HORMAD1: variants seen among roughly 807,000 people sequenced by gnomAD.
HORMAD1 encodes HORMA domain containing 1.
HORMAD1 carries 33 observed loss-of-function variants against 58.2 expected under a neutral mutation model. The ratio of observed to expected loss-of-function variants is 0.57; its 90% CI spans 0.43 to 0.76. The LOEUF (loss-of-function observed/expected upper bound fraction) is 0.76. Among genes scored for constraint, HORMAD1 ranks in the 30% least tolerant of loss-of-function variants. The pLI is 0.00. For synonymous variants in HORMAD1, 137 were observed against 144.6 expected, an observed-to-expected ratio of 0.95 and a Z score of 0.38; for missense variants, 363 against 462.0, an observed-to-expected ratio of 0.79 and a Z score of 1.96.
At position 150,698,454 on chromosome 1, in the gene HORMAD1, C is replaced by T; in HGVS notation, c.*200G>A. On this transcript the variant is annotated 3_prime_UTR_variant, in exon 15 of 15. Transcript: ENST00000361824. ...TACCGAATCAATTATGACATTTGTA[C>T]TTTTGCTTTTATTCAAAAGTTCTAT... is the stretch of plus-strand genomic sequence containing the variant. The T allele has an allele frequency of 2.7e-6, 1 of 371,262 alleles. No homozygotes were observed. The highest frequency in any genetic ancestry group is 4.9e-6 in the Non-Finnish European group (1 of 205,766). The allele number at this position is 371,262 out of a possible 1,614,324, so 23.0% of individuals were successfully genotyped here. A position where few individuals can be genotyped will look rare whatever the true frequency, so the allele number is the denominator to read the frequency against.
At chr1:150,720,144 G>A (rs1292574786) in intron 1 of HORMAD1, among the ~76,000 whole-genome samples, 1 of 151,494 alleles carries the variant, frequency 6.6e-6, no homozygotes, top group Admixed American at 6.6e-5. Context: ...GCGCGATCTC[G>A]GCTCACCGCA....
chr1:150,710,506 G>A (rs1651841548), intron 7 of HORMAD1, among the ~76,000 whole-genome samples: 1 of 152,050 alleles, frequency 6.6e-6, no homozygotes, highest in Admixed American at 6.6e-5. Context: ...GTATCAACAA[G>A]GTTGCTAATT....
chr1:150,698,820 CTCT>C, intron 14 of HORMAD1, 86 bp from the exon 15 acceptor site: 2 of 791,982 alleles, frequency 2.5e-6, no homozygotes, highest in Non-Finnish European at 4.0e-6. Flanking sequence ...TCTGAGATTT[CTCT>C]TCTTTTTAAA....
chr1:150,701,685 G>A (rs141946426), intron 13 of HORMAD1, among the ~76,000 whole-genome samples: 1 of 152,206 alleles, frequency 6.6e-6, no homozygotes, highest in Non-Finnish European at 1.5e-5. Context: ...ACCTTTGAGA[G>A]TAACTTAAAG....
intron 5 of HORMAD1, among the ~76,000 whole-genome samples, chr1:150,712,121 C>G (rs1014813096): frequency 7.2e-5 from 11 of 152,124 alleles, no homozygotes; most frequent in Admixed American, 6.5e-4. Context: ...AAGGACATTA[C>G]TGCCAGTTAC....
At chr1:150,704,680 T>C (rs960865301) in intron 10 of HORMAD1, among the ~76,000 whole-genome samples, 1 of 152,022 alleles carries the variant, frequency 6.6e-6, no homozygotes, top group Non-Finnish European at 1.5e-5. Context: ...GAGGCTGCAG[T>C]AGCCGTGATC....
rs1234074434 is a variant in HORMAD1, at chr1:150,717,207, A to C, written c.109T>G (p.Ser37Ala). The C allele has an allele frequency of 6.3e-7, 1 of 1,597,928 alleles. No homozygotes were observed. The highest frequency in any genetic ancestry group is 1.7e-5 in the Admixed American group (1 of 59,214). ...LVLVKRLLAV[S>A]VSCITYLRGI... Reference sequence around the variant, plus strand: ...CTCAAATACGTGATACAGGATACTGAAACTGCTAGAAGCCTCTTCACTAAC... The same window carrying C: ...CTCAAATACGTGATACAGGATACTGCAACTGCTAGAAGCCTCTTCACTAAC... Residue 37 changes from serine (S) to alanine (A), a missense_variant, in exon 3 of 15, where the codon TCA (serine) becomes GCA (alanine). Ser to Ala is a moderately conservative substitution (Grantham distance 99, BLOSUM62 1). Coordinates refer to ENST00000361824, the MANE Select transcript of HORMAD1 (RefSeq NM_032132.5).
At chr1:150,704,856 A>G (rs1651644625) in intron 10 of HORMAD1, among the ~76,000 whole-genome samples, 1 of 152,172 alleles carries the variant, frequency 6.6e-6, no homozygotes, top group Non-Finnish European at 1.5e-5. Context: ...CAGCCTGGCT[A>G]ACATGGTGAA....
At position 150,711,408 on chromosome 1, in the gene HORMAD1, A is replaced by G. The variant is rs998178518; in HGVS notation, c.327+137T>C. The G allele has an allele frequency of 7.4e-6, 5 of 679,182 alleles. No individual in the cohort carries two copies. In the African/African-American group the frequency reaches 9.1e-5, roughly 12 times the overall value. The allele number at this position is 679,182 out of a possible 1,614,324, so 42.1% of individuals were successfully genotyped here. A position where few individuals can be genotyped will look rare whatever the true frequency, so the allele number is the denominator to read the frequency against. On this transcript the variant is annotated intron_variant, in intron 7 of 14. Coordinates refer to ENST00000361824, the MANE Select transcript of HORMAD1 (RefSeq NM_032132.5). ...GCCTTACCTCAGAAGAGTTTTATGA[A>G]GCTCAAATGTGAAAATATATATGAA...
Position 150,718,344 on chromosome 1 carries a change from A to ATT in HORMAD1, c.34-1064_34-1063dup, listed in dbSNP as rs34258924. 5.4e-4 allele frequency among the ~76,000 whole-genome samples: 68 copies of ATT among 125,848 alleles called. 1 individual carries two copies. The highest frequency in any genetic ancestry group is 4.6e-3 in the South Asian group (17 of 3,694). 82.6% of individuals were successfully genotyped at this position (125,848 alleles called of 152,430 possible). A position where few individuals can be genotyped will look rare whatever the true frequency, so the allele number is the denominator to read the frequency against. ...GGCGTTGCACCACCATGCCTGGCTA[A>ATT]TTTTTTTTTTTTTTTTTTTTGTAGA... On this transcript the variant is annotated intron_variant, in intron 2 of 14. Transcript: ENST00000361824.
At chr1:150,700,895 T>C (rs1452161547) in intron 13 of HORMAD1, among the ~76,000 whole-genome samples, 2 of 152,176 alleles carry the variant, frequency 1.3e-5, no homozygotes, top group African/African-American at 4.8e-5. Flanking sequence ...CTTTCGGCTA[T>C]TGTGAATAAT....
chr1:150,699,629 A>T (rs1268874772), intron 14 of HORMAD1, among the ~76,000 whole-genome samples: 1 of 151,074 alleles, frequency 6.6e-6, no homozygotes, highest in East Asian at 1.9e-4. Flanking sequence ...GGTTCAAGCG[A>T]TTCTCCTGCC....
chr1:150,699,403 T>C (rs191173386), intron 14 of HORMAD1, among the ~76,000 whole-genome samples: 40 of 152,324 alleles, frequency 2.6e-4, no homozygotes, highest in Non-Finnish European at 4.7e-4. Context: ...TACTTCAGTT[T>C]TGATCTCTAG....
chr1:150,703,864 A>G (rs1315206556), intron 12 of HORMAD1, among the ~76,000 whole-genome samples: 3 of 152,236 alleles, frequency 2.0e-5, no homozygotes, highest in African/African-American at 4.8e-5. Context: ...AAATAACTGC[A>G]TAAGATTCTA....
chr1:150,708,512 A>T (rs3768005), intron 8 of HORMAD1, 105 bp from the exon 9 acceptor site: 268,022 of 684,200 alleles, frequency 0.39, 53,868 homozygotes, highest in South Asian at 0.55. Context: ...TATAGCATTA[A>T]GCTGTTAACT....
At chr1:150,699,828 A>G (rs1304964410) in intron 14 of HORMAD1, among the ~76,000 whole-genome samples, 2 of 151,922 alleles carry the variant, frequency 1.3e-5, no homozygotes, top group Non-Finnish European at 1.5e-5. Flanking sequence ...CACTGCACCC[A>G]GCTGATTTTT....
chr1:150,706,721 C>T lies in HORMAD1; in HGVS notation c.636G>A (p.Val212=). 6.2e-7 allele frequency: 1 copy of T among 1,613,576 alleles called. No individual in the cohort carries two copies. The highest frequency in any genetic ancestry group is 8.5e-7 in the Non-Finnish European group (1 of 1,179,670). ...TGTGAAAAGGTGTTGAGACTTCTCC[C>T]ACATTTAAATACATAGGTTCCCCTT... ...IFEGEPMYLN[V]GEVSTPFHIF... is the part of the protein sequence containing the mutation. Residue 212 remains valine, a synonymous_variant, in exon 10 of 15, where the codon GTG becomes GTA. Transcript: ENST00000361824.
chr1:150,708,514 C>A, intron 8 of HORMAD1, 107 bp from the exon 9 acceptor site: 1 of 639,066 alleles, frequency 1.6e-6, no homozygotes, highest in Non-Finnish European at 2.5e-6. Flanking sequence ...TAGCATTAAG[C>A]TGTTAACTTG....
chr1:150,712,371 T>C (rs1651930035), intron 5 of HORMAD1, among the ~76,000 whole-genome samples: 1 of 152,078 alleles, frequency 6.6e-6, no homozygotes, highest in Non-Finnish European at 1.5e-5. Context: ...AACCAGTCCA[T>C]CAACAAATCC....
Sources: gnomAD v4.1 joint callset for allele counts (sites outside exome capture counted in the v4.1 genomes callset) on GRCh38, gnomAD v4.1.1 for gene constraint, MANE v1.5 for transcripts, NCBI Gene and HGNC (gene_info 2026-07-23, HGNC 2026-07-21) for gene names.